METAP1D: variants seen among roughly 807,000 people sequenced by gnomAD.
The protein encoded by METAP1D is methionyl aminopeptidase type 1D, mitochondrial.
A neutral mutation model predicts 40.5 loss-of-function variants in METAP1D; 31 were observed. That is an observed-to-expected ratio of 0.77 (90% CI 0.58 to 1.03). The LOEUF is 1.03. Among genes scored for constraint, METAP1D ranks in the 50% least tolerant of loss-of-function variants. The pLI, the probability that METAP1D is intolerant of heterozygous loss-of-function variation, is 0.00. For missense variants in METAP1D, 411 were observed against 420.7 expected (o/e 0.98, Z 0.20); for synonymous variants, 151 against 146.4 (o/e 1.03, Z -0.22).
rs1454587251 is a variant in METAP1D at position 172,041,727 on chromosome 2, TATA to T, written c.41-19770_41-19768del. 4.4e-3 allele frequency among the ~76,000 whole-genome samples: 13 copies of T among 2,946 alleles called. 3 individuals are homozygous for T. In the South Asian group the frequency reaches 0.078, roughly 18 times the overall value. 1.9% of individuals were successfully genotyped at this position (2,946 alleles called of 152,430 possible). The stretch of plus-strand genomic sequence containing the variant: ...TTTAATTTCCTTACTCTAATTATTT[TATA>T]TATATATATATATATATATATATAT... On this transcript the variant is annotated intron_variant, in intron 1 of 9. Coordinates refer to ENST00000315796, the MANE Select transcript of METAP1D (RefSeq NM_199227.3).
chr2:172,064,140 T>C, intron 3 of METAP1D: 1 of 259,338 alleles, frequency 3.9e-6, no homozygotes, highest in Non-Finnish European at 7.0e-6. Flanking sequence ...CTATCCAAGT[T>C]GATCAATGGC....
intron 1 of METAP1D, among the ~76,000 whole-genome samples, chr2:172,054,521 A>AAAATAAATAAATAAATAAATAAAT (rs56060951): frequency 5.4e-5 from 8 of 149,226 alleles, no homozygotes; most frequent in South Asian, 2.2e-4. Context: ...ACTCTGTCTC[A>AAAATAAATAAATAAATAAATAAAT]AAATAAATAA....
At chr2:172,073,554 AACAG>A (rs763598744) in intron 6 of METAP1D, among the ~76,000 whole-genome samples, 1 of 152,206 alleles carries the variant, frequency 6.6e-6, no homozygotes, top group Non-Finnish European at 1.5e-5. Flanking sequence ...TGTGGAAAAT[AACAG>A]ACAATGAACT....
rs1408411944 is a variant in METAP1D at position 172,080,488 on chromosome 2, A to G, written c.*82A>G. On this transcript the variant is annotated 3_prime_UTR_variant, in exon 10 of 10. Transcript: ENST00000315796. ...TGGCTGGAGAACTTTTAGAAGAAAC[A>G]GGGAAATGACCGGTGGTGCGGTAAC... 1.0e-5 allele frequency: 15 copies of G among 1,461,968 alleles called. No homozygotes were observed. In the Admixed American group the frequency reaches 1.4e-4, roughly 13 times the overall value. 90.6% of individuals were successfully genotyped at this position (1,461,968 alleles called of 1,614,324 possible).
chr2:172,045,846 T>TAA (rs1190546912), intron 1 of METAP1D, among the ~76,000 whole-genome samples: 6 of 109,102 alleles, frequency 5.5e-5, no homozygotes, highest in Admixed American at 9.5e-5. Context: ...TATATATATA[T>TAA]ATATATATAT....
At chr2:172,019,309 GAA>G (rs1405162511) in intron 1 of METAP1D, among the ~76,000 whole-genome samples, 1 of 151,718 alleles carries the variant, frequency 6.6e-6, no homozygotes, top group Non-Finnish European at 1.5e-5. Flanking sequence ...AGGTTAGAAA[GAA>G]AGAAAAAGAA....
chr2:172,010,586 G>A (rs974634322), intron 1 of METAP1D, among the ~76,000 whole-genome samples: 11 of 143,854 alleles, frequency 7.6e-5, no homozygotes, highest in African/African-American at 2.3e-4. Flanking sequence ...CTGTGCCTCC[G>A]GGTTCAAGTG....
intron 1 of METAP1D, among the ~76,000 whole-genome samples, chr2:172,011,288 T>TC: frequency 6.7e-6 from 1 of 149,258 alleles, no homozygotes; most frequent in Non-Finnish European, 1.5e-5. Flanking sequence ...TCTGTTTCTT[T>TC]TTTTTTTTTT....
chr2:172,019,063 A>C (rs1053394728), intron 1 of METAP1D, among the ~76,000 whole-genome samples: 10 of 152,232 alleles, frequency 6.6e-5, no homozygotes, highest in South Asian at 2.1e-4. Flanking sequence ...AACAAACAAA[A>C]GAAAGAAGCC....
intron 1 of METAP1D, among the ~76,000 whole-genome samples, chr2:172,008,271 T>C (rs1318621170): frequency 6.6e-6 from 1 of 152,172 alleles, no homozygotes; most frequent in East Asian, 1.9e-4. Context: ...TTAGTGGCCA[T>C]TGGCAATCAT....
intron 1 of METAP1D, among the ~76,000 whole-genome samples, chr2:172,035,868 G>A (rs761413875): frequency 3.3e-5 from 5 of 151,546 alleles, no homozygotes; most frequent in Admixed American, 2.0e-4. Flanking sequence ...GGCTGATCTC[G>A]AATGCTTGGG....
Position 172,033,994 on chromosome 2 carries a change from T to A in METAP1D, c.41-27504T>A, listed in dbSNP as rs559482778. 5.0e-4 allele frequency among the ~76,000 whole-genome samples: 75 copies of A among 150,716 alleles called. 1 individual carries two copies. In the South Asian group the frequency reaches 0.016, roughly 32 times the overall value. On this transcript the variant is annotated intron_variant, in intron 1 of 9. Transcript: ENST00000315796. ...CGGGAGGCTGAGGTAGGAAAATCAC[T>A]TGAACCCAGGAGGCGGAGGTTGCGG...
chr2:172,054,442 C>A (rs1233154798), intron 1 of METAP1D, among the ~76,000 whole-genome samples: 2 of 152,124 alleles, frequency 1.3e-5, no homozygotes, highest in South Asian at 2.1e-4. Flanking sequence ...TGACTTGAAC[C>A]CGGGAGGCAG....
chr2:172,077,926 A>G (rs1690587050), intron 7 of METAP1D, 32 bp downstream of exon 7: 1 of 1,258,962 alleles, frequency 7.9e-7, no homozygotes, highest in African/African-American at 1.5e-5. Flanking sequence ...CTGTTTCTTG[A>G]TCAGAGATCA....
chr2:172,069,608 A>G (rs541898066), intron 5 of METAP1D, among the ~76,000 whole-genome samples: 74 of 152,324 alleles, frequency 4.9e-4, no homozygotes, highest in Non-Finnish European at 8.5e-4. Flanking sequence ...AATACTGCCA[A>G]GTGTATAAAA....
At chr2:172,071,502 G>A (rs1690420196) in intron 6 of METAP1D, among the ~76,000 whole-genome samples, 1 of 152,196 alleles carries the variant, frequency 6.6e-6, no homozygotes, top group African/African-American at 2.4e-5. Flanking sequence ...AGATAATAAA[G>A]TGTTAGTTCA....
chr2:172,047,840 C>T (rs1333549999), intron 1 of METAP1D, among the ~76,000 whole-genome samples: 3 of 152,186 alleles, frequency 2.0e-5, no homozygotes, highest in Non-Finnish European at 2.9e-5. Flanking sequence ...TAATTTCTCC[C>T]ATCCCACCCT....
intron 1 of METAP1D, among the ~76,000 whole-genome samples, chr2:172,037,946 T>C (rs1689434251): frequency 6.6e-6 from 1 of 152,220 alleles, no homozygotes; most frequent in Non-Finnish European, 1.5e-5. Flanking sequence ...ATCCTGGCTC[T>C]GGGGCTGGTA....
Position 172,082,301 on chromosome 2 carries a change from A to G in METAP1D, c.*1895A>G, listed in dbSNP as rs1690737911. On this transcript the variant is annotated 3_prime_UTR_variant, in exon 10 of 10. Transcript: ENST00000315796. Reference sequence around the variant, plus strand: ...CAGTTTACTCCGAGGTTCCCCAAGGATAGTTTTATTAGGACCACAGGACTT... The same window carrying G: ...CAGTTTACTCCGAGGTTCCCCAAGGGTAGTTTTATTAGGACCACAGGACTT... The G allele has an allele frequency of 6.6e-6, 1 of 152,220 alleles. No individual in the cohort carries two copies. Among genetic ancestry groups the G allele is most frequent in the Non-Finnish European group, 1.5e-5 (1 of 68,034 alleles). 9.4% of individuals were successfully genotyped at this position (152,220 alleles called of 1,614,324 possible).
Sources: allele counts gnomAD v4.1 joint callset (sites outside exome capture counted in the v4.1 genomes callset), GRCh38; gene constraint gnomAD v4.1.1; transcripts MANE v1.5; gene names NCBI Gene and HGNC (gene_info 2026-07-23, HGNC 2026-07-21).